RASA1: variants seen among roughly 807,000 people sequenced by gnomAD.
RASA1 encodes RAS p21 protein activator 1.
A neutral mutation model predicts 132.2 loss-of-function variants in RASA1; 25 were observed. That is an observed-to-expected ratio of 0.19 (90% CI 0.14 to 0.26). The LOEUF is 0.26. Ranked by LOEUF, RASA1 falls within the 10% of genes least tolerant of loss-of-function variation. The probability of loss-of-function intolerance (pLI) is 1.00; values close to 1 mark genes in which losing one functional copy is unlikely to be tolerated. For missense variants in RASA1, 964 were observed against 1,299.2 expected (o/e 0.74, Z 3.97); for synonymous variants, 477 against 449.9 (o/e 1.06, Z -0.76).
intron 11 of RASA1, among the ~76,000 whole-genome samples, chr5:87,364,711 C>T (rs1561312433): frequency 6.6e-6 from 1 of 152,016 alleles, no homozygotes; most frequent in Non-Finnish European, 1.5e-5. Flanking sequence ...TGAATCCTTC[C>T]TCAAACCAGT....
chr5:87,348,994 A>C (rs556013597), intron 7 of RASA1, among the ~76,000 whole-genome samples: 5 of 152,050 alleles, frequency 3.3e-5, no homozygotes, highest in African/African-American at 1.2e-4. Flanking sequence ...TTATGTATTA[A>C]AGCTGGTAAG....
Position 87,370,051 on chromosome 5 carries a change from T to C in RASA1, c.1698+151T>C, listed in dbSNP as rs1760816658. On this transcript the variant is annotated intron_variant, in intron 12 of 24. Transcript: ENST00000274376. ...ATTTTAAGGAATGAGATTTCATATG[T>C]AAAAAGTTTTCTGAAAGAAATGCAA... 2.0e-5 allele frequency: 15 copies of C among 758,726 alleles called. No homozygotes were observed. In the South Asian group the frequency reaches 2.5e-4, roughly 13 times the overall value. The allele number at this position is 758,726 out of a possible 1,614,324, so 47.0% of individuals were successfully genotyped here. A position where few individuals can be genotyped will look rare whatever the true frequency, so the allele number is the denominator to read the frequency against.
rs1204340475 is a variant in RASA1 at position 87,376,941 on chromosome 5, C to T, written c.2245C>T (p.Arg749Ter). 1.9e-6 allele frequency: 3 copies of T among 1,610,722 alleles called. No homozygotes were observed. Among genetic ancestry groups the T allele is most frequent in the Non-Finnish European group, 1.7e-6 (2 of 1,177,098 alleles). ...YALSHVCGQDRTLLASILLRI... is the reference protein window; with the variant it reads ...YALSHVCGQD ...TTTATCACATGTATGTGGACAAGAC[C>T]GAACACTACTGGCCAGCATCCTACT... The change falls in exon 17 of 25, where the codon CGA (arginine) becomes TGA (stop). Residue 749 changes from arginine (R) to a stop codon, truncating the protein, a stop_gained. Transcript: ENST00000274376. LOFTEE classifies it high-confidence loss of function.
Position 87,379,870 on chromosome 5 carries a change from T to A in RASA1, c.2603+20T>A. Reference sequence around the variant, plus strand: ...TCCACCGTAAGTGGTGAAATTTTCATTTGACAAGAAATTGTGTATCTATGT... The same window carrying A: ...TCCACCGTAAGTGGTGAAATTTTCAATTGACAAGAAATTGTGTATCTATGT... On this transcript the variant is annotated intron_variant, in intron 19 of 24. Coordinates refer to ENST00000274376, the MANE Select transcript of RASA1 (RefSeq NM_002890.3). 1 of 1,608,316 alleles carries A rather than the reference T, an allele frequency of 6.2e-7. No homozygotes were observed.
At chr5:87,387,877 A>G (rs935238185) in intron 23 of RASA1, among the ~76,000 whole-genome samples, 3 of 152,290 alleles carry the variant, frequency 2.0e-5, no homozygotes, top group Non-Finnish European at 2.9e-5. Context: ...ATCATTGGAA[A>G]ATATTTTTAC....
intron 1 of RASA1, among the ~76,000 whole-genome samples, chr5:87,291,183 G>C (rs1754896420): frequency 6.6e-6 from 1 of 152,132 alleles, no homozygotes; most frequent in Non-Finnish European, 1.5e-5. Flanking sequence ...TGAATATGCT[G>C]TTTTCTAATC....
chr5:87,330,839 A>G (rs1025285909), intron 1 of RASA1: 45 of 634,640 alleles, frequency 7.1e-5, no homozygotes, highest in Non-Finnish European at 1.0e-4. Flanking sequence ...TCACGTTCAA[A>G]CAGGAAATTA....
Position 87,390,681 on chromosome 5 carries a change from T to C in RASA1, c.3061-119T>C, listed in dbSNP as rs1580421800. On this transcript the variant is annotated intron_variant, in intron 24 of 24. Coordinates refer to ENST00000274376, the MANE Select transcript of RASA1 (RefSeq NM_002890.3). ...ATAGAGACTTATGTTTTGAGGGGAA[T>C]TGTGGTAATATTTTATGCATCCTTT... is the stretch of plus-strand genomic sequence containing the variant. 5 of 788,070 alleles carry C rather than the reference T, an allele frequency of 6.3e-6. No homozygotes were observed. The East Asian group carries it at 8.0e-5, about 13-fold the overall frequency. The allele number at this position is 788,070 out of a possible 1,614,324, so 48.8% of individuals were successfully genotyped here.
At chr5:87,387,928 A>G (rs778699255) in intron 23 of RASA1, among the ~76,000 whole-genome samples, 1 of 152,300 alleles carries the variant, frequency 6.6e-6, no homozygotes, top group East Asian at 1.9e-4. Flanking sequence ...ATGCCACACA[A>G]TCTAAGATTT....
At chr5:87,376,203 A>G (rs780705131) in intron 15 of RASA1, 190 bp from the exon 16 acceptor site, 15 of 660,852 alleles carry the variant, frequency 2.3e-5, no homozygotes, top group South Asian at 7.5e-5. Context: ...CTCTCTACCT[A>G]TCAGAGTTTA....
intron 1 of RASA1, among the ~76,000 whole-genome samples, chr5:87,326,720 C>T (rs1010803898): frequency 1.3e-5 from 2 of 152,120 alleles, no homozygotes; most frequent in East Asian, 3.9e-4. Context: ...AATGGGGGCT[C>T]TTTGGGGGTT....
In RASA1 at chr5:87,349,087, A is replaced by T. The variant is rs1013420952; in HGVS notation, c.1103-127A>T. 8.3e-6 allele frequency: 10 copies of T among 1,202,408 alleles called. No homozygotes were observed. The East Asian group carries it at 2.3e-4, about 27-fold the overall frequency. The allele number at this position is 1,202,408 out of a possible 1,614,324, so 74.5% of individuals were successfully genotyped here. On this transcript the variant is annotated intron_variant, in intron 7 of 24. Coordinates refer to ENST00000274376, the MANE Select transcript of RASA1 (RefSeq NM_002890.3). The stretch of plus-strand genomic sequence containing the variant: ...AATTTGAAAGAAATTATCTTAAAAA[A>T]AAAACAAGTTCCTGGTGAAAATTTA...
chr5:87,282,128 G>C (rs1270234148), intron 1 of RASA1, among the ~76,000 whole-genome samples: 1 of 151,788 alleles, frequency 6.6e-6, no homozygotes, highest in Non-Finnish European at 1.5e-5. Context: ...AAAACCTCTG[G>C]AGTAGAAGGA....
intron 1 of RASA1, chr5:87,318,532 A>T (rs1157591777): frequency 6.5e-6 from 1 of 152,826 alleles, no homozygotes; most frequent in African/African-American, 2.4e-5. Context: ...AAGCAAGCAC[A>T]TCTTCACATA....
At chr5:87,322,186 A>G (rs539487334) in intron 1 of RASA1, among the ~76,000 whole-genome samples, 23 of 152,196 alleles carry the variant, frequency 1.5e-4, no homozygotes, top group Non-Finnish European at 2.4e-4. Context: ...CCCCTACTCC[A>G]TGGACCGGTA....
In RASA1 at chr5:87,346,265, A is replaced by G. The variant is rs1758852162; in HGVS notation, c.1050-407A>G. Among the ~76,000 whole-genome samples, 2 of 152,000 alleles carry G rather than the reference A, an allele frequency of 1.3e-5. 1 individual carries two copies. Among genetic ancestry groups the G allele is most frequent in the South Asian group, 4.1e-4 (2 of 4,832 alleles). On this transcript the variant is annotated intron_variant, in intron 6 of 24. Transcript: ENST00000274376. ...TATCTTGATTTTATTTGAGGAGAGA[A>G]TTTATCAGATGTTATAGGAAAATTC...
chr5:87,305,192 G>A (rs539181120), intron 1 of RASA1, among the ~76,000 whole-genome samples: 3 of 152,044 alleles, frequency 2.0e-5, no homozygotes, highest in East Asian at 3.9e-4. Context: ...CTACTTTTAA[G>A]ATTTAGTTTT....
intron 11 of RASA1, chr5:87,366,311 A>G: frequency 5.4e-6 from 2 of 371,506 alleles, no homozygotes; most frequent in Admixed American, 2.9e-5. Context: ...AAGATTGAAG[A>G]AAAGCTTTAG....
At chr5:87,304,929 T>A (rs922110942) in intron 1 of RASA1, among the ~76,000 whole-genome samples, 4 of 150,766 alleles carry the variant, frequency 2.7e-5, no homozygotes, top group Non-Finnish European at 3.0e-5. Context: ...CTGTGTAACT[T>A]CTTTTAGTCC....
Sources: gnomAD v4.1 joint callset for allele counts (sites outside exome capture counted in the v4.1 genomes callset) on GRCh38, gnomAD v4.1.1 for gene constraint, MANE v1.5 for transcripts, NCBI Gene and HGNC (gene_info 2026-07-23, HGNC 2026-07-21) for gene names.